The following NAE1 variants were observed in gnomAD, a reference collection of about 807,000 sequenced individuals.
The protein encoded by NAE1 is NEDD8-activating enzyme E1 regulatory subunit.
NAE1 carries 59 observed loss-of-function variants against 88.0 expected under a neutral mutation model. The observed-to-expected ratio is 0.67, with a 90% CI of 0.54 to 0.83. The LOEUF (loss-of-function observed/expected upper bound fraction) is 0.83. NAE1 is among the 40% of genes least tolerant of loss of function. NAE1 has a pLI of 0.00. For missense variants in NAE1, 554 were observed against 632.8 expected, an observed-to-expected ratio of 0.88 and a Z score of 1.34; for synonymous variants, 186 against 208.9, an observed-to-expected ratio of 0.89 and a Z score of 0.95.
intron 15 of NAE1, among the ~76,000 whole-genome samples, chr16:66,809,951 G>C (rs766659268): frequency 2.6e-5 from 4 of 152,036 alleles, no homozygotes; most frequent in Non-Finnish European, 5.9e-5. Context: ...GAAACTAGAT[G>C]GCAAAATTCT....
At chr16:66,812,967 C>T (rs1404760387) in intron 13 of NAE1, among the ~76,000 whole-genome samples, 2 of 151,532 alleles carry the variant, frequency 1.3e-5, no homozygotes, top group African/African-American at 2.4e-5. Flanking sequence ...GGACTACAGG[C>T]GCCTGCCACC....
intron 13 of NAE1, among the ~76,000 whole-genome samples, chr16:66,811,845 G>C (rs1244343225): frequency 6.6e-6 from 1 of 152,128 alleles, no homozygotes; most frequent in Non-Finnish European, 1.5e-5. Context: ...TCTTAGGCTA[G>C]GACAACAAAC....
chr16:66,828,027 C>T (rs1960533541), intron 1 of NAE1: 1 of 1,613,966 alleles, frequency 6.2e-7, no homozygotes, highest in Non-Finnish European at 8.5e-7. Context: ...TTCCACTCCA[C>T]TGTATGCTCC....
Position 66,809,915 on chromosome 16 carries a change from A to C in NAE1, c.1150+459T>G, listed in dbSNP as rs190838000. Among the ~76,000 whole-genome samples, 16 of 152,308 alleles carry C rather than the reference A, an allele frequency of 1.1e-4. No homozygotes were observed. The East Asian group carries it at 2.9e-3, about 27-fold the overall frequency. Reference sequence around the variant, plus strand: ...TTTGGCCTACTGAGGAGTTACTGAGAAGACTCCTACGAACCTAACCACTCC... The same window carrying C: ...TTTGGCCTACTGAGGAGTTACTGAGCAGACTCCTACGAACCTAACCACTCC... On this transcript the variant is annotated intron_variant, in intron 15 of 19. Transcript: ENST00000290810.
chr16:66,820,431 G>A (rs1048844192), intron 7 of NAE1, among the ~76,000 whole-genome samples: 3 of 152,178 alleles, frequency 2.0e-5, no homozygotes, highest in African/African-American at 7.2e-5. Flanking sequence ...CACCTGAATT[G>A]AGAGAACCTA....
chr16:66,803,219 G>T, intron 19 of NAE1, 101 bp from the exon 20 acceptor site: 1 of 754,646 alleles, frequency 1.3e-6, no homozygotes, highest in Non-Finnish European at 2.2e-6. Context: ...AAGCAAAGGT[G>T]TTTTAAAGTG....
chr16:66,830,348 T>G (rs551503044), intron 1 of NAE1, among the ~76,000 whole-genome samples: 1 of 152,282 alleles, frequency 6.6e-6, no homozygotes, highest in African/African-American at 2.4e-5. Flanking sequence ...TTTGGACATA[T>G]TGGGTTAAAT....
intron 19 of NAE1, among the ~76,000 whole-genome samples, chr16:66,805,133 A>T (rs1031630061): frequency 3.3e-5 from 5 of 152,128 alleles, no homozygotes; most frequent in African/African-American, 1.2e-4. Flanking sequence ...GGCACAGAGG[A>T]GCAAAGATCT....
At position 66,821,496 on chromosome 16, in the gene NAE1, T is replaced by A. The variant is rs151049448; in HGVS notation, c.465A>T (p.Thr155=). 6.9e-6 allele frequency: 11 copies of A among 1,603,746 alleles called. No homozygotes were observed. The highest frequency in any genetic ancestry group is 9.4e-6 in the Non-Finnish European group (11 of 1,176,018). Residue 155 remains threonine (T), a synonymous_variant, in exon 7 of 20, where the codon ACA becomes ACT. Coordinates refer to ENST00000290810, the MANE Select transcript of NAE1 (RefSeq NM_003905.4). The part of the protein sequence containing the change: ...NSQIPLLICR[T]YGLVGYMRII... ...TCCTCATATAACCAACTAGTCCATA[T>A]GTCCTACAGATCAAAAGAGGAATCT...
At chr16:66,829,416 C>T (rs183321933) in intron 1 of NAE1, among the ~76,000 whole-genome samples, 2 of 152,138 alleles carry the variant, frequency 1.3e-5, no homozygotes, top group African/African-American at 4.8e-5. Flanking sequence ...GCCAGAAGAG[C>T]CTTAGTTTAC....
chr16:66,824,715 A>G, intron 4 of NAE1, 140 bp downstream of exon 4: 1 of 705,576 alleles, frequency 1.4e-6, no homozygotes, highest in East Asian at 2.9e-5. Flanking sequence ...AAACATATGA[A>G]GATTTACAAG....
At chr16:66,805,094 T>G (rs1187215236) in intron 19 of NAE1, among the ~76,000 whole-genome samples, 2 of 152,138 alleles carry the variant, frequency 1.3e-5, no homozygotes, top group East Asian at 3.9e-4. Context: ...GTTTTGGACA[T>G]GCAGAAAAAC....
chr16:66,826,371 C>A (rs1026330098), intron 3 of NAE1, 152 bp downstream of exon 3: 1 of 673,004 alleles, frequency 1.5e-6, no homozygotes. Context: ...GCTGTACTAG[C>A]ACTTTACCTA....
intron 10 of NAE1, 97 bp downstream of exon 10, chr16:66,816,868 T>C: frequency 6.6e-7 from 1 of 1,518,636 alleles, no homozygotes; most frequent in Non-Finnish European, 8.8e-7. Flanking sequence ...CATGATGCTA[T>C]CATCTGACAA....
Position 66,813,319 on chromosome 16 carries a change from T to G in NAE1, c.1034+245A>C, listed in dbSNP as rs1413867015. ...TACCATGCCCACCTAATTTTTCAAT[T>G]TGTAGAGATGGAAGTCTCACTATGT... On this transcript the variant is annotated intron_variant, in intron 13 of 19. Coordinates refer to ENST00000290810, the MANE Select transcript of NAE1 (RefSeq NM_003905.4). The G allele has an allele frequency of 7.3e-6, 3 of 410,300 alleles. No individual in the cohort carries two copies. In the East Asian group the frequency reaches 1.3e-4, roughly 18 times the overall value. 25.4% of individuals were successfully genotyped at this position (410,300 alleles called of 1,614,324 possible). A position where few individuals can be genotyped will look rare whatever the true frequency, so the allele number is the denominator to read the frequency against.
At chr16:66,806,898 A>G (rs773429345) in intron 17 of NAE1, among the ~76,000 whole-genome samples, 4 of 152,194 alleles carry the variant, frequency 2.6e-5, no homozygotes, top group Non-Finnish European at 4.4e-5. Context: ...ATGCTGTATG[A>G]CTTCCAAAGC....
intron 11 of NAE1, among the ~76,000 whole-genome samples, chr16:66,816,077 G>A (rs963869010): frequency 7.2e-5 from 11 of 152,150 alleles, no homozygotes; most frequent in African/African-American, 2.2e-4. Context: ...GCTGTTTTAA[G>A]TTACAAGAAA....
chr16:66,826,296 T>A (rs363215), intron 3 of NAE1: 7,913 of 539,142 alleles, frequency 0.015, 283 homozygotes, highest in South Asian at 0.093. Flanking sequence ...CGACTACTCC[T>A]TTGTATTAAT....
chr16:66,812,656 TAC>T (rs1439615538), intron 13 of NAE1, among the ~76,000 whole-genome samples: 1 of 151,260 alleles, frequency 6.6e-6, no homozygotes, highest in East Asian at 1.9e-4. Flanking sequence ...TAGCTGGGAC[TAC>T]AGGTGCGCAC....
Sources: gnomAD v4.1 joint callset for allele counts (sites outside exome capture counted in the v4.1 genomes callset) on GRCh38, gnomAD v4.1.1 for gene constraint, MANE v1.5 for transcripts, NCBI Gene and HGNC (gene_info 2026-07-23, HGNC 2026-07-21) for gene names.